Variants in ZNF470 observed in about 807,000 individuals in gnomAD.
ZNF470 encodes the protein zinc finger protein 470, also known as chondrogenesis zinc finger protein 1.
A neutral mutation model predicts 13.9 loss-of-function variants in ZNF470; 13 were observed. The ratio of observed to expected loss-of-function variants is 0.94; its 90% CI spans 0.61 to 1.49. ZNF470 has a LOEUF of 1.49. Ranked by LOEUF, ZNF470 falls within the 40% of genes most tolerant of loss-of-function variation. ZNF470 has a pLI of 0.00. For missense variants in ZNF470, 929 were observed against 857.3 expected (o/e 1.08, Z -1.04); for synonymous variants, 293 against 282.9 (o/e 1.04, Z -0.36).
chr19:56,576,470 C>A (rs959619308), intron 5 of ZNF470, among the ~76,000 whole-genome samples: 1 of 152,100 alleles, frequency 6.6e-6, no homozygotes. Flanking sequence ...TAGAGACAAA[C>A]CTCAATTATC....
Position 56,577,454 on chromosome 19 carries a change from G to A in ZNF470, c.1025G>A (p.Cys342Tyr), listed in dbSNP as rs2044498053. Residue 342 changes from cysteine to tyrosine, a missense_variant, in exon 6 of 6, where the codon TGT (cysteine) becomes TAT (tyrosine). By Grantham distance (194) the Cys-to-Tyr change is radical (BLOSUM62 -2). Coordinates refer to ENST00000330619, the MANE Select transcript of ZNF470 (RefSeq NM_001001668.4). ...CACACTGGAGAGAAACCCTATGAAT[G>A]TATTGAATGTGGGAAGGCTTTTAGT... The part of the protein sequence containing the change: ...RVHTGEKPYE[C>Y]IECGKAFSDC... 1.9e-6 allele frequency: 3 copies of A among 1,613,638 alleles called. No individual in the cohort carries two copies. Among genetic ancestry groups the A allele is most frequent in the South Asian group, 2.2e-5 (2 of 91,084 alleles).
Position 56,576,701 on chromosome 19 carries a change from A to G in ZNF470, c.284-12A>G. The G allele has an allele frequency of 7.3e-7, 1 of 1,373,218 alleles. No homozygotes were observed. The highest frequency in any genetic ancestry group is 9.5e-7 in the Non-Finnish European group (1 of 1,055,250). The allele number at this position is 1,373,218 out of a possible 1,614,324, so 85.1% of individuals were successfully genotyped here. On this transcript the variant is annotated splice_polypyrimidine_tract_variant and intron_variant, in intron 5 of 5. Transcript: ENST00000330619. The stretch of plus-strand genomic sequence containing the variant: ...TAATAAAGGAGACATTTACTTTCTT[A>G]ATATCTTTCAGACTTGGAGTGTGTG...
chr19:56,578,003 C>G lies in ZNF470; in HGVS notation c.1574C>G (p.Ala525Gly), dbSNP rs370650023. 5 of 1,613,140 alleles carry G rather than the reference C, an allele frequency of 3.1e-6. No individual in the cohort carries two copies. The African/African-American group carries it at 6.7e-5, about 22-fold the overall frequency. ...SKTFSQNAHL[A>G]QHQKIHTGEK... ...ACCTTCAGCCAGAATGCACACCTCG[C>G]GCAACATCAGAAAATACACACTGGG... Residue 525 changes from alanine (A) to glycine (G), a missense_variant, in exon 6 of 6, where the codon GCG becomes GGG. Coordinates refer to ENST00000330619, the MANE Select transcript of ZNF470 (RefSeq NM_001001668.4).
At chr19:56,568,306 C>T (rs2044425963) in intron 1 of ZNF470, among the ~76,000 whole-genome samples, 1 of 152,094 alleles carries the variant, frequency 6.6e-6, no homozygotes, top group Non-Finnish European at 1.5e-5. Flanking sequence ...GAACACTACC[C>T]GTAATATTAC....
In ZNF470 at chr19:56,574,697, G is replaced by T; in HGVS notation, c.247G>T (p.Val83Leu). ...ACTGGAGCAAGAGAAAGACCCTTGG[G>T]TGATAAAAGGAGGGATGAACAGAGG... is the stretch of plus-strand genomic sequence containing the variant. ...SLLEQEKDPW[V>L]IKGGMNRGLC... Residue 83 changes from valine to leucine, a missense_variant, in exon 5 of 6, where the codon GTG becomes TTG. Coordinates refer to ENST00000330619, the MANE Select transcript of ZNF470 (RefSeq NM_001001668.4). 6.2e-7 allele frequency: 1 copy of T among 1,613,820 alleles called. No individual in the cohort carries two copies. Among genetic ancestry groups the T allele is most frequent in the Non-Finnish European group, 8.5e-7 (1 of 1,179,818 alleles).
At chr19:56,569,167 T>G (rs2044432860) in intron 2 of ZNF470, among the ~76,000 whole-genome samples, 1 of 152,206 alleles carries the variant, frequency 6.6e-6, no homozygotes, top group Non-Finnish European at 1.5e-5. Flanking sequence ...GAGAAGGCAG[T>G]GGAATTTAGA....
chr19:56,573,877 TATAGCTAGG>T, intron 3 of ZNF470: 1 of 681,004 alleles, frequency 1.5e-6, no homozygotes, highest in Non-Finnish European at 1.8e-6. Context: ...AAGAAAAGAC[TATAGCTAGG>T]TGTTTTTTTC....
intron 1 of ZNF470, 139 bp downstream of exon 1, chr19:56,568,177 G>T (rs953119740): frequency 6.7e-5 from 62 of 920,434 alleles, no homozygotes; most frequent in Non-Finnish European, 6.7e-5. Context: ...GATTTGGAGG[G>T]TCACCTTGGG....
At position 56,578,123 on chromosome 19, in the gene ZNF470, A is replaced by G. The variant is rs1445251454; in HGVS notation, c.1694A>G (p.Tyr565Cys). ...HQRVHTGEKP[Y>C]ECIECGKAFS... The stretch of plus-strand genomic sequence containing the variant: ...AGAGTTCATACTGGTGAGAAGCCTT[A>G]CGAATGTATTGAATGTGGGAAGGCC... Residue 565 changes from tyrosine to cysteine, a missense_variant, in exon 6 of 6, where the codon TAC (tyrosine) becomes TGC (cysteine). Tyr to Cys is a radical substitution (Grantham distance 194). Coordinates refer to ENST00000330619, the MANE Select transcript of ZNF470 (RefSeq NM_001001668.4). 2 of 1,614,070 alleles carry G rather than the reference A, an allele frequency of 1.2e-6. No individual in the cohort carries two copies. The highest frequency in any genetic ancestry group is 4.5e-5 in the East Asian group (2 of 44,850).
At chr19:56,570,151 A>G (rs2044441043) in intron 2 of ZNF470, 129 bp from the exon 3 acceptor site, 2 of 639,202 alleles carry the variant, frequency 3.1e-6, no homozygotes, top group East Asian at 2.8e-5. Context: ...AAAGAGCATC[A>G]GGACTGTGGG....
chr19:56,574,372 G>A (rs948007909), intron 3 of ZNF470, 22 bp from the exon 4 acceptor site: 5 of 1,613,212 alleles, frequency 3.1e-6, no homozygotes, highest in African/African-American at 1.3e-5. Flanking sequence ...GAGTGAGCAA[G>A]ATCATATTTG....
chr19:56,581,569 A>G lies in ZNF470; in HGVS notation c.*2986A>G, dbSNP rs79833438. ...TTCAATAGGAATTATGCAGCTGTTGAAAAAAAATCAATGTGTGTAGTCATA... is the reference window on the plus strand; with the variant it reads ...TTCAATAGGAATTATGCAGCTGTTGGAAAAAAATCAATGTGTGTAGTCATA... On this transcript the variant is annotated 3_prime_UTR_variant, in exon 6 of 6. Transcript: ENST00000330619. The G allele has an allele frequency of 5.1e-6, 4 of 787,108 alleles. No individual in the cohort carries two copies. The East Asian group carries it at 3.8e-4, about 75-fold the overall frequency. 48.8% of individuals were successfully genotyped at this position (787,108 alleles called of 1,614,324 possible). A position where few individuals can be genotyped will look rare whatever the true frequency, so the allele number is the denominator to read the frequency against.
In ZNF470 at chr19:56,572,982, T is replaced by C. The variant is rs541569881; in HGVS notation, c.61-1412T>C. 3.7e-4 allele frequency among the ~76,000 whole-genome samples: 56 copies of C among 152,332 alleles called. No individual in the cohort carries two copies. In the East Asian group the frequency reaches 5.4e-3, roughly 15 times the overall value. ...TGGGAAATATTATATGTAAATACAA[T>C]AGACTGTTCTCTTGAGTTTATAAAA... On this transcript the variant is annotated intron_variant, in intron 3 of 5. Coordinates refer to ENST00000330619, the MANE Select transcript of ZNF470 (RefSeq NM_001001668.4).
In ZNF470 at chr19:56,577,952, C is replaced by T; in HGVS notation, c.1523C>T (p.Pro508Leu). The T allele has an allele frequency of 1.2e-6, 2 of 1,614,046 alleles. No homozygotes were observed. Among genetic ancestry groups the T allele is most frequent in the South Asian group, 1.1e-5 (1 of 91,078 alleles). ...CAGAGAATTCATACTGGAGAGAAAC[C>T]TTATGAATGTAAGGAATGCAGCAAA... is the stretch of plus-strand genomic sequence containing the variant. ...HHQRIHTGEK[P>L]YECKECSKTF... Residue 508 changes from proline (P) to leucine (L), a missense_variant, in exon 6 of 6, where the codon CCT becomes CTT. By Grantham distance (98) the Pro-to-Leu change is moderately conservative. Transcript: ENST00000330619.
chr19:56,580,278 A>C lies in ZNF470; in HGVS notation c.*1695A>C, dbSNP rs2044525749. 1 of 499,658 alleles carries C rather than the reference A, an allele frequency of 2.0e-6. No homozygotes were observed. The highest frequency in any genetic ancestry group is 2.1e-5 in the African/African-American group (1 of 47,148). The allele number at this position is 499,658 out of a possible 1,614,324, so 31.0% of individuals were successfully genotyped here. ...GATGCTTTGAGTGTTGGAGGAAGGG[A>C]GGATTGATGGTTTAACAGAGATCAT... On this transcript the variant is annotated 3_prime_UTR_variant, in exon 6 of 6. Coordinates refer to ENST00000330619, the MANE Select transcript of ZNF470 (RefSeq NM_001001668.4).
Position 56,581,586 on chromosome 19 carries a change from G to A in ZNF470, c.*3003G>A. On this transcript the variant is annotated 3_prime_UTR_variant, in exon 6 of 6. Coordinates refer to ENST00000330619, the MANE Select transcript of ZNF470 (RefSeq NM_001001668.4). ...AGCTGTTGAAAAAAAATCAATGTGT[G>A]TAGTCATAGAAAGATAGCTGTGCTA... The A allele has an allele frequency of 1.3e-6, 1 of 796,380 alleles. No homozygotes were observed. The highest frequency in any genetic ancestry group is 1.5e-6 in the Non-Finnish European group (1 of 657,782). 49.3% of individuals were successfully genotyped at this position (796,380 alleles called of 1,614,324 possible).
Position 56,582,857 on chromosome 19 carries a change from C to T in ZNF470, c.*4274C>T, listed in dbSNP as rs1471330774. The T allele has an allele frequency of 1.3e-5, 2 of 152,612 alleles. No individual in the cohort carries two copies. Among genetic ancestry groups the T allele is most frequent in the Non-Finnish European group, 1.5e-5 (1 of 68,176 alleles). 9.5% of individuals were successfully genotyped at this position (152,612 alleles called of 1,614,324 possible). On this transcript the variant is annotated 3_prime_UTR_variant, in exon 6 of 6. Transcript: ENST00000330619. ...ACCTTGATCTTGGACTTTTAATCTC[C>T]AGGACTGTGAGAAAATAAATGTTGG...
chr19:56,574,226 C>T, intron 3 of ZNF470, 168 bp from the exon 4 acceptor site: 1 of 1,082,842 alleles, frequency 9.2e-7, no homozygotes, highest in Non-Finnish European at 1.4e-6. Context: ...CATAACTAGG[C>T]AGAAAAGTTG....
At position 56,582,744 on chromosome 19, in the gene ZNF470, C is replaced by A; in HGVS notation, c.*4161C>A. The A allele has an allele frequency of 5.0e-6, 1 of 201,622 alleles. No homozygotes were observed. Among genetic ancestry groups the A allele is most frequent in the Non-Finnish European group, 8.8e-6 (1 of 113,182 alleles). 12.5% of individuals were successfully genotyped at this position (201,622 alleles called of 1,614,324 possible). A position where few individuals can be genotyped will look rare whatever the true frequency, so the allele number is the denominator to read the frequency against. On this transcript the variant is annotated 3_prime_UTR_variant, in exon 6 of 6. Transcript: ENST00000330619. ...AGAGGTTTGTCTCTCCACATGTGCA[C>A]AGAGGAAATGCTGTGTAAGGACACA... is the stretch of plus-strand genomic sequence containing the variant.
Sources: gnomAD v4.1 joint callset for allele counts (sites outside exome capture counted in the v4.1 genomes callset) on GRCh38, gnomAD v4.1.1 for gene constraint, MANE v1.5 for transcripts, NCBI Gene and HGNC (gene_info 2026-07-23, HGNC 2026-07-21) for gene names.